Variants in PDGFRL observed in about 807,000 individuals in gnomAD.
The protein encoded by PDGFRL is platelet derived growth factor receptor like.
A neutral mutation model predicts 37.2 loss-of-function variants in PDGFRL; 46 were observed. The ratio of observed to expected loss-of-function variants is 1.24; its 90% CI spans 0.98 to 1.58. The LOEUF (loss-of-function observed/expected upper bound fraction) is 1.58. PDGFRL is among the 40% of genes most tolerant of loss of function. PDGFRL has a pLI of 0.00. For missense variants in PDGFRL, 692 were observed against 467.6 expected, an observed-to-expected ratio of 1.48 and a Z score of -4.43; for synonymous variants, 251 against 184.3, an observed-to-expected ratio of 1.36 and a Z score of -2.93.
At chr8:17,603,801 C>T (rs1415367025) in intron 2 of PDGFRL, among the ~76,000 whole-genome samples, 84 of 152,080 alleles carry the variant, frequency 5.5e-4, no homozygotes, top group Admixed American at 5.5e-3. Context: ...TAGCAAGTGC[C>T]TTGCTAACCG....
intron 2 of PDGFRL, among the ~76,000 whole-genome samples, chr8:17,597,324 C>A (rs1048979500): frequency 1.3e-5 from 2 of 152,180 alleles, no homozygotes; most frequent in Admixed American, 6.5e-5. Context: ...TCCAGCCAAG[C>A]CTTGTAGTTA....
At chr8:17,600,502 C>T (rs1008468322) in intron 2 of PDGFRL, among the ~76,000 whole-genome samples, 1 of 152,060 alleles carries the variant, frequency 6.6e-6, no homozygotes, top group Admixed American at 6.6e-5. Context: ...CTCACAATAT[C>T]TGCTTGGATC....
intron 5 of PDGFRL, among the ~76,000 whole-genome samples, chr8:17,640,008 G>A (rs530332558): frequency 1.3e-5 from 2 of 152,144 alleles, no homozygotes; most frequent in African/African-American, 4.8e-5. Context: ...GTTCGATTGG[G>A]TTAATCCAAA....
At chr8:17,609,634 T>TAAAAA (rs3040922) in intron 2 of PDGFRL, among the ~76,000 whole-genome samples, 460 of 43,458 alleles carry the variant, frequency 0.011, 41 homozygotes, top group East Asian at 0.047. Context: ...TGAGACTCTG[T>TAAAAA]AAAAAAAAAA....
upstream of PDGFRL, chr8:17,577,182 C>CGCCGCCTCCCCT: frequency 6.4e-7 from 1 of 1,563,504 alleles, no homozygotes; most frequent in South Asian, 1.2e-5. Flanking sequence ...GCCCCTCGCC[C>CGCCGCCTCCCCT]GCCGCCTCCC....
chr8:17,618,842 G>A (rs1039463948), intron 2 of PDGFRL, among the ~76,000 whole-genome samples: 4 of 152,162 alleles, frequency 2.6e-5, no homozygotes, highest in Admixed American at 2.0e-4. Context: ...CAGGAAGCCA[G>A]GGGTATCCGA....
chr8:17,585,331 C>A (rs1370052328), intron 1 of PDGFRL, among the ~76,000 whole-genome samples: 1 of 152,056 alleles, frequency 6.6e-6, no homozygotes, highest in African/African-American at 2.4e-5. Flanking sequence ...TGGTTCTCAG[C>A]CTTATTTTAC....
Position 17,628,696 on chromosome 8 carries a change from G to A in PDGFRL, c.715G>A (p.Glu239Lys), listed in dbSNP as rs765500696. The change falls in exon 4 of 6, where the codon GAG (glutamate) becomes AAG (lysine). Residue 239 changes from glutamate (E) to lysine (K), a missense_variant. Transcript: ENST00000251630. ...RGFVYLQPHS[E>K]HQGVVYCRAE... Reference sequence around the variant, plus strand: ...CTTTGTGTATCTGCAACCTCATTCCGAGCACCAGGGTGTGGTTTACTGCAG... The same window carrying A: ...CTTTGTGTATCTGCAACCTCATTCCAAGCACCAGGGTGTGGTTTACTGCAG... 5 of 1,613,866 alleles carry A rather than the reference G, an allele frequency of 3.1e-6. No individual in the cohort carries two copies. The highest frequency in any genetic ancestry group is 2.2e-5 in the East Asian group (1 of 44,876).
chr8:17,579,168 G>A (rs1231088270), intron 1 of PDGFRL, among the ~76,000 whole-genome samples: 1 of 152,166 alleles, frequency 6.6e-6, no homozygotes, highest in African/African-American at 2.4e-5. Flanking sequence ...CTGCACTCCA[G>A]CTGGGCGACA....
chr8:17,595,551 G>T (rs1379167807), intron 2 of PDGFRL, among the ~76,000 whole-genome samples: 1 of 152,168 alleles, frequency 6.6e-6, no homozygotes, highest in African/African-American at 2.4e-5. Context: ...GGTCTGGGCA[G>T]AACCTGGACC....
In PDGFRL at chr8:17,642,671, ACAC is replaced by A; in HGVS notation, c.1002_1004del (p.Thr335del). ...AGGTTGATCCACAGAGGACTGGGAC[ACAC>A]CACGAGAATCTCCCAGAGTGTCATT... On this transcript the variant is annotated inframe_deletion, in exon 6 of 6. Coordinates refer to ENST00000251630, the MANE Select transcript of PDGFRL (RefSeq NM_001372073.1). The A allele has an allele frequency of 6.2e-7, 1 of 1,607,780 alleles. No individual in the cohort carries two copies. Among genetic ancestry groups the A allele is most frequent in the Non-Finnish European group, 8.5e-7 (1 of 1,174,128 alleles).
chr8:17,629,579 T>G (rs950426860), intron 4 of PDGFRL, among the ~76,000 whole-genome samples: 2 of 152,268 alleles, frequency 1.3e-5, no homozygotes, highest in East Asian at 3.9e-4. Flanking sequence ...ACCAGCATTC[T>G]CATTTCCTTT....
At chr8:17,609,717 AG>A (rs1207568567) in intron 2 of PDGFRL, among the ~76,000 whole-genome samples, 1 of 150,554 alleles carries the variant, frequency 6.6e-6, no homozygotes, top group Non-Finnish European at 1.5e-5. Flanking sequence ...TGTGATATGC[AG>A]CCAGGTTGGA....
intron 2 of PDGFRL, among the ~76,000 whole-genome samples, chr8:17,610,643 G>C (rs1804391498): frequency 6.6e-6 from 1 of 152,166 alleles, no homozygotes. Context: ...AGGCGCGGTG[G>C]CTCACACCTG....
chr8:17,630,102 C>A (rs970747399), intron 4 of PDGFRL, among the ~76,000 whole-genome samples: 4 of 152,192 alleles, frequency 2.6e-5, no homozygotes, highest in Non-Finnish European at 5.9e-5. Context: ...GGGTAGAGGG[C>A]ATGGCCATGA....
At position 17,642,683 on chromosome 8, in the gene PDGFRL, T is replaced by G; in HGVS notation, c.1010T>G (p.Ile337Ser). 1 of 1,604,776 alleles carries G rather than the reference T, an allele frequency of 6.2e-7. No individual in the cohort carries two copies. The highest frequency in any genetic ancestry group is 8.5e-7 in the Non-Finnish European group (1 of 1,171,462). Residue 337 changes from isoleucine (I) to serine (S), a missense_variant, in exon 6 of 6, where the codon ATC becomes AGC. Transcript: ENST00000251630. ...IHRGLGHTTR[I>S]SQSVITVEDF... ...AGAGGACTGGGACACACCACGAGAATCTCCCAGAGTGTCATTACAGTGGAA... is the reference window on the plus strand; with the variant it reads ...AGAGGACTGGGACACACCACGAGAAGCTCCCAGAGTGTCATTACAGTGGAA...
At chr8:17,636,147 G>C (rs1214132070) in intron 5 of PDGFRL, among the ~76,000 whole-genome samples, 2 of 152,066 alleles carry the variant, frequency 1.3e-5, no homozygotes, top group African/African-American at 4.8e-5. Context: ...CTTTGTTTTT[G>C]TTGCATTTGC....
chr8:17,603,278 C>A (rs781061803), intron 2 of PDGFRL, among the ~76,000 whole-genome samples: 14 of 152,186 alleles, frequency 9.2e-5, no homozygotes, highest in Non-Finnish European at 2.1e-4. Flanking sequence ...TGAGCCACCA[C>A]GCCCAGCCCA....
At chr8:17,603,157 T>C (rs1483514225) in intron 2 of PDGFRL, among the ~76,000 whole-genome samples, 3 of 152,128 alleles carry the variant, frequency 2.0e-5, no homozygotes, top group African/African-American at 4.8e-5. Context: ...TAATTTTTTG[T>C]GTTTTTAGTA....
Sources: allele counts gnomAD v4.1 joint callset (sites outside exome capture counted in the v4.1 genomes callset), GRCh38; gene constraint gnomAD v4.1.1; transcripts MANE v1.5; gene names NCBI Gene and HGNC (gene_info 2026-07-23, HGNC 2026-07-21).